The following COG5 variants were observed in gnomAD, a reference collection of about 807,000 sequenced individuals.
The protein encoded by COG5 is conserved oligomeric Golgi complex subunit 5.
Under a neutral mutation model 110.4 loss-of-function variants are expected in COG5, and 86 were observed. That is an observed-to-expected ratio of 0.78 (90% confidence interval 0.65 to 0.93). The LOEUF is 0.93. Among genes scored for constraint, COG5 ranks in the 40% least tolerant of loss-of-function variants. The pLI is 0.00. For missense variants in COG5, 1,077 were observed against 987.0 expected (o/e 1.09, Z -1.22); for synonymous variants, 360 against 334.6 (o/e 1.08, Z -0.83).
chr7:107,472,736 T>C (rs1466508878), intron 6 of COG5: 1 of 151,946 alleles, frequency 6.6e-6, no homozygotes, highest in Non-Finnish European at 1.5e-5. Flanking sequence ...AAAAAGTTCA[T>C]AAATAAAACT....
rs78324791 is a variant in COG5, at chr7:107,401,579, T to C, written c.669+10923A>G. ...AAGGTCATAAAGGAAATACGCGAGCTCTTACTACATTCATTCTTTCAAGTT... is the reference window on the plus strand; with the variant it reads ...AAGGTCATAAAGGAAATACGCGAGCCCTTACTACATTCATTCTTTCAAGTT... On this transcript the variant is annotated intron_variant, in intron 7 of 21. Coordinates refer to ENST00000297135, the MANE Select transcript of COG5 (RefSeq NM_006348.5). 4.3e-3 allele frequency among the ~76,000 whole-genome samples: 650 copies of C among 152,236 alleles called. 6 individuals carry two copies. Among genetic ancestry groups the C allele is most frequent in the African/African-American group, 0.015 (635 of 41,554 alleles).
At chr7:107,541,523 A>AAAAAAAAAAAATAT (rs60423657) in intron 5 of COG5, among the ~76,000 whole-genome samples, 6 of 57,020 alleles carry the variant, frequency 1.1e-4, no homozygotes, top group East Asian at 5.2e-4. Flanking sequence ...AAAAAAAAAA[A>AAAAAAAAAAAATAT]ATATATATAT....
intron 7 of COG5, among the ~76,000 whole-genome samples, chr7:107,385,442 T>C (rs1790116461): frequency 6.6e-6 from 1 of 152,208 alleles, no homozygotes; most frequent in African/African-American, 2.4e-5. Context: ...AAACAATACA[T>C]ATGTTTGCAA....
At chr7:107,443,839 T>A (rs1794860411) in intron 6 of COG5, among the ~76,000 whole-genome samples, 1 of 152,176 alleles carries the variant, frequency 6.6e-6, no homozygotes, top group Non-Finnish European at 1.5e-5. Context: ...AAATTGATAT[T>A]ATATATTTCA....
intron 8 of COG5, among the ~76,000 whole-genome samples, chr7:107,364,486 G>A (rs1208725253): frequency 6.6e-6 from 1 of 152,140 alleles, no homozygotes; most frequent in African/African-American, 2.4e-5. Context: ...TCTAGAGAGT[G>A]AGACTAAGAA....
chr7:107,536,481 G>C (rs1040061247), intron 5 of COG5, among the ~76,000 whole-genome samples: 2 of 151,264 alleles, frequency 1.3e-5, no homozygotes, highest in Non-Finnish European at 3.0e-5. Flanking sequence ...CAATAATAGA[G>C]AGCCAAATCA....
At chr7:107,389,212 C>G (rs1464706739) in intron 7 of COG5, among the ~76,000 whole-genome samples, 37 of 151,882 alleles carry the variant, frequency 2.4e-4, no homozygotes, top group Non-Finnish European at 4.4e-5. Context: ...AGATTTACCC[C>G]CAGTGGGGTC....
At chr7:107,547,050 G>C (rs1038652990) in intron 5 of COG5, among the ~76,000 whole-genome samples, 1 of 152,116 alleles carries the variant, frequency 6.6e-6, no homozygotes, top group East Asian at 1.9e-4. Context: ...TTACCCTTCT[G>C]TTAATGACAA....
chr7:107,409,141 T>A (rs1282958343), intron 7 of COG5, among the ~76,000 whole-genome samples: 2 of 97,892 alleles, frequency 2.0e-5, no homozygotes, highest in African/African-American at 8.0e-5. Context: ...GCATTTAGAA[T>A]AAAAAGTGGT....
chr7:107,229,743 AT>A (rs1456868542), intron 19 of COG5, among the ~76,000 whole-genome samples: 1 of 149,512 alleles, frequency 6.7e-6, no homozygotes, highest in African/African-American at 2.5e-5. Context: ...TCAGTACTAA[AT>A]TTTTTGCTCA....
intron 2 of COG5, among the ~76,000 whole-genome samples, chr7:107,557,344 C>T (rs914464151): frequency 6.6e-6 from 1 of 152,122 alleles, no homozygotes; most frequent in Non-Finnish European, 1.5e-5. Flanking sequence ...GCCATAAAAT[C>T]GCCCTATAAA....
intron 7 of COG5, among the ~76,000 whole-genome samples, chr7:107,386,539 C>T (rs1170752960): frequency 6.6e-6 from 1 of 152,066 alleles, no homozygotes; most frequent in African/African-American, 2.4e-5. Flanking sequence ...TCATTGGTGC[C>T]CACTCGGGAT....
At chr7:107,452,614 T>C (rs1795407291) in intron 6 of COG5, among the ~76,000 whole-genome samples, 1 of 152,214 alleles carries the variant, frequency 6.6e-6, no homozygotes, top group African/African-American at 2.4e-5. Flanking sequence ...CTTTGGCCCC[T>C]ATCATCCATG....
At chr7:107,439,561 G>T (rs1031241954) in intron 6 of COG5, among the ~76,000 whole-genome samples, 1 of 151,424 alleles carries the variant, frequency 6.6e-6, no homozygotes, top group African/African-American at 2.4e-5. Context: ...TATATAAATT[G>T]ATCTTATTTC....
intron 12 of COG5, among the ~76,000 whole-genome samples, chr7:107,295,776 C>T (rs913615483): frequency 1.8e-4 from 27 of 152,082 alleles, no homozygotes; most frequent in African/African-American, 6.3e-4. Context: ...GTTTTGCCTC[C>T]ATTGAATTTA....
At chr7:107,256,201 C>T (rs184447603) in intron 16 of COG5, among the ~76,000 whole-genome samples, 111 of 152,098 alleles carry the variant, frequency 7.3e-4, no homozygotes, top group African/African-American at 2.6e-3. Flanking sequence ...TTTTATGCCT[C>T]AGTTTAAAGT....
At chr7:107,408,556 T>C (rs995757015) in intron 7 of COG5, among the ~76,000 whole-genome samples, 5 of 152,252 alleles carry the variant, frequency 3.3e-5, no homozygotes, top group African/African-American at 1.2e-4. Context: ...ATATGACTAA[T>C]GTTCCATTAA....
At chr7:107,206,599 T>C (rs1434318045) in intron 21 of COG5, among the ~76,000 whole-genome samples, 2 of 152,174 alleles carry the variant, frequency 1.3e-5, no homozygotes, top group Admixed American at 1.3e-4. Context: ...TGTATCAGCG[T>C]ATAAGAAGTG....
At chr7:107,557,136 G>A (rs1803384872) in intron 2 of COG5, among the ~76,000 whole-genome samples, 1 of 152,110 alleles carries the variant, frequency 6.6e-6, no homozygotes, top group Non-Finnish European at 1.5e-5. Flanking sequence ...GAATTTTAGA[G>A]TTAAAATAAC....
Sources: allele counts gnomAD v4.1 joint callset (sites outside exome capture counted in the v4.1 genomes callset), GRCh38; gene constraint gnomAD v4.1.1; transcripts MANE v1.5; gene names NCBI Gene and HGNC (gene_info 2026-07-23, HGNC 2026-07-21).